Variants in SETBP1 observed in about 807,000 individuals in gnomAD.
The protein encoded by SETBP1 is SET-binding protein.
In SETBP1, 9 loss-of-function variants were observed where a neutral mutation model predicts 101.0. The observed-to-expected ratio is 0.09, with a 90% confidence interval of 0.05 to 0.16. The LOEUF is 0.16. Ranked by LOEUF, SETBP1 falls within the 10% of genes least tolerant of loss-of-function variation. The pLI, the probability that SETBP1 is intolerant of heterozygous loss-of-function variation, is 1.00. For synonymous variants in SETBP1, 818 were observed against 788.5 expected (o/e 1.04, Z -0.63); for missense variants, 1,858 against 2,033.8 (o/e 0.91, Z 1.66).
At chr18:44,680,150 C>A (rs1299966306), upstream of SETBP1, 1 of 142,778 alleles carries the variant, frequency 7.0e-6, no homozygotes, top group Non-Finnish European at 1.5e-5. Context: ...GGTGGCGCGG[C>A]GGAGGCGGCA....
intron 3 of SETBP1, among the ~76,000 whole-genome samples, chr18:44,879,778 G>A (rs767147537): frequency 1.9e-4 from 29 of 152,172 alleles, no homozygotes; most frequent in Non-Finnish European, 4.0e-4. Context: ...TAAAGGATGC[G>A]TAGGGGCCAT....
At chr18:44,947,803 C>A (rs900541656) in intron 3 of SETBP1, among the ~76,000 whole-genome samples, 4 of 152,190 alleles carry the variant, frequency 2.6e-5, no homozygotes, top group Non-Finnish European at 5.9e-5. Context: ...CTACACCCAG[C>A]CATCCCACTG....
intron 3 of SETBP1, chr18:44,877,284 C>A: frequency 2.9e-6 from 2 of 686,944 alleles, no homozygotes; most frequent in Non-Finnish European, 3.6e-6. Flanking sequence ...AGTATTTTAC[C>A]AAAGTTTCCA....
At chr18:44,918,092 C>G (rs748282624) in intron 3 of SETBP1, among the ~76,000 whole-genome samples, 43 of 152,094 alleles carry the variant, frequency 2.8e-4, no homozygotes, top group Non-Finnish European at 5.7e-4. Flanking sequence ...CCGGTGCTGC[C>G]GAGCCATTCA....
intron 2 of SETBP1, among the ~76,000 whole-genome samples, chr18:44,761,440 CT>C (rs2070642511): frequency 6.6e-6 from 1 of 152,184 alleles, no homozygotes; most frequent in Admixed American, 6.5e-5. Context: ...TTTAATTTTA[CT>C]GATAAATAAA....
intron 4 of SETBP1, among the ~76,000 whole-genome samples, chr18:45,009,365 G>GT (rs1345136910): frequency 5.3e-5 from 8 of 151,122 alleles, no homozygotes; most frequent in Admixed American, 4.0e-4. Flanking sequence ...GCGGAGCTGC[G>GT]TTTCCCCATG....
intron 2 of SETBP1, among the ~76,000 whole-genome samples, chr18:44,824,579 A>AGGGTGTGATTG (rs1359880129): frequency 2.0e-5 from 3 of 152,096 alleles, no homozygotes; most frequent in African/African-American, 7.2e-5. Flanking sequence ...TATATTTCTG[A>AGGGTGTGATTG]CGGTGTAACA....
At chr18:44,933,172 G>T (rs2070876355) in intron 3 of SETBP1, among the ~76,000 whole-genome samples, 1 of 152,208 alleles carries the variant, frequency 6.6e-6, no homozygotes, top group Admixed American at 6.5e-5. Context: ...CCTTCTAACA[G>T]TCAGGACCCT....
chr18:44,926,223 G>C, intron 3 of SETBP1, among the ~76,000 whole-genome samples: 1 of 152,126 alleles, frequency 6.6e-6, no homozygotes, highest in Admixed American at 6.5e-5. Flanking sequence ...GTGAGCCACT[G>C]TTCCTGGCCG....
At chr18:44,797,921 G>C (rs1342845514) in intron 2 of SETBP1, among the ~76,000 whole-genome samples, 2 of 152,154 alleles carry the variant, frequency 1.3e-5, no homozygotes, top group Non-Finnish European at 2.9e-5. Flanking sequence ...AGATAACCCA[G>C]GTTGTCATAG....
intron 5 of SETBP1, among the ~76,000 whole-genome samples, chr18:45,054,514 A>ATTT (rs2073776735): frequency 6.6e-6 from 1 of 151,888 alleles, no homozygotes; most frequent in Non-Finnish European, 1.5e-5. Context: ...GACAAATAGC[A>ATTT]TCTCCAGAAA....
intron 2 of SETBP1, among the ~76,000 whole-genome samples, chr18:44,867,893 G>A (rs911285712): frequency 6.6e-6 from 1 of 152,196 alleles, no homozygotes; most frequent in African/African-American, 2.4e-5. Context: ...GGCTCAGCAT[G>A]ATTTCTTCTC....
At chr18:44,736,876 CTCTT>C (rs1371981059) in intron 2 of SETBP1, among the ~76,000 whole-genome samples, 8 of 152,198 alleles carry the variant, frequency 5.3e-5, no homozygotes, top group Non-Finnish European at 1.0e-4. Flanking sequence ...ATAAAGCCTA[CTCTT>C]ATCTCCATTG....
At chr18:44,745,880 C>T (rs532723646) in intron 2 of SETBP1, among the ~76,000 whole-genome samples, 1 of 152,090 alleles carries the variant, frequency 6.6e-6, no homozygotes. Flanking sequence ...TGGTAAGAGG[C>T]GGGGTGAGCA....
chr18:44,836,054 A>G (rs1033316872), intron 2 of SETBP1, among the ~76,000 whole-genome samples: 2 of 151,976 alleles, frequency 1.3e-5, no homozygotes, highest in Non-Finnish European at 2.9e-5. Context: ...GATCCTGTCC[A>G]TTGGAACGAT....
chr18:44,803,864 A>G lies in SETBP1; in HGVS notation c.487-65366A>G, dbSNP rs549751621. Among the ~76,000 whole-genome samples the G allele has an allele frequency of 2.6e-5, 4 of 152,256 alleles. 1 individual carries two copies. The highest frequency in any genetic ancestry group is 9.6e-5 in the African/African-American group (4 of 41,522). ...TACTGTTTTCAGGAAGAAAACTCAG[A>G]TTTAGACAATTGAATATTTTTTCAT... On this transcript the variant is annotated intron_variant, in intron 2 of 5. Transcript: ENST00000649279.
At chr18:45,061,817 A>G (rs2073894647) in intron 5 of SETBP1, among the ~76,000 whole-genome samples, 1 of 152,210 alleles carries the variant, frequency 6.6e-6, no homozygotes, top group African/African-American at 2.4e-5. Flanking sequence ...TAATGGGAGG[A>G]AACAACAAAC....
intron 2 of SETBP1, among the ~76,000 whole-genome samples, chr18:44,856,759 G>A (rs974683806): frequency 6.6e-6 from 1 of 152,164 alleles, no homozygotes; most frequent in African/African-American, 2.4e-5. Context: ...ATGAGGTTGA[G>A]GAAAGCCTTA....
rs1294987499 is a variant in SETBP1 at position 44,703,381 on chromosome 18, T to G, written c.486+1549T>G. 1.3e-4 allele frequency among the ~76,000 whole-genome samples: 5 copies of G among 39,576 alleles called. 1 individual carries two copies. The highest frequency in any genetic ancestry group is 4.9e-4 in the African/African-American group (5 of 10,280). The allele number at this position is 39,576 out of a possible 152,430, so 26.0% of individuals were successfully genotyped here. A position where few individuals can be genotyped will look rare whatever the true frequency, so the allele number is the denominator to read the frequency against. ...TTTTTTTTTTTTTTTTTTTTTTTTT[T>G]TTTTTTTTTTTTTAGCTTTGGGGCA... On this transcript the variant is annotated intron_variant, in intron 2 of 5. Transcript: ENST00000649279.
Sources: gnomAD v4.1 joint callset for allele counts (sites outside exome capture counted in the v4.1 genomes callset) on GRCh38, gnomAD v4.1.1 for gene constraint, MANE v1.5 for transcripts, NCBI Gene and HGNC (gene_info 2026-07-23, HGNC 2026-07-21) for gene names.